The following TBK1 variants were observed in gnomAD, a reference collection of about 807,000 sequenced individuals.
The protein encoded by TBK1 is TANK binding kinase 1.
A neutral mutation model predicts 99.9 loss-of-function variants in TBK1; 37 were observed. The ratio of observed to expected loss-of-function variants is 0.37; its 90% confidence interval spans 0.28 to 0.49. The LOEUF (loss-of-function observed/expected upper bound fraction) is 0.49, where lower values mean the gene tolerates loss of function less well. Ranked by LOEUF, TBK1 falls within the 20% of genes least tolerant of loss-of-function variation. The pLI is 0.98. For synonymous variants in TBK1, 258 were observed against 279.8 expected (o/e 0.92, Z 0.78); for missense variants, 644 against 872.5 (o/e 0.74, Z 3.30).
intron 5 of TBK1, among the ~76,000 whole-genome samples, chr12:64,469,377 T>G (rs1209733475): frequency 6.6e-6 from 1 of 151,996 alleles, no homozygotes; most frequent in African/African-American, 2.4e-5. Context: ...CCCTTCCTGC[T>G]CCTTTCTCCG....
In TBK1 at chr12:64,497,767, T is replaced by C; in HGVS notation, c.2066+13T>C. The C allele has an allele frequency of 5.1e-6, 8 of 1,565,598 alleles. No homozygotes were observed. Among genetic ancestry groups the C allele is most frequent in the Non-Finnish European group, 7.0e-6 (8 of 1,150,654 alleles). ...AAATGACTCTTGGGTAAGAAACTCA[T>C]CATTTGGAAACTGTAGTGTTTCCAT... On this transcript the variant is annotated intron_variant, in intron 19 of 20. Coordinates refer to ENST00000331710, the MANE Select transcript of TBK1 (RefSeq NM_013254.4).
At chr12:64,456,393 C>G (rs963746569) in intron 2 of TBK1, among the ~76,000 whole-genome samples, 2 of 152,020 alleles carry the variant, frequency 1.3e-5, no homozygotes, top group African/African-American at 4.8e-5. Flanking sequence ...GTAAGTGCCC[C>G]TACTAAAACA....
At chr12:64,491,071 T>C (rs1372846319) in intron 13 of TBK1, among the ~76,000 whole-genome samples, 1 of 152,006 alleles carries the variant, frequency 6.6e-6, no homozygotes, top group East Asian at 1.9e-4. Flanking sequence ...TGCTGAAAAA[T>C]ACAATAGAAC....
chr12:64,465,641 A>T (rs1366640278), intron 4 of TBK1, among the ~76,000 whole-genome samples: 1 of 152,218 alleles, frequency 6.6e-6, no homozygotes, highest in Admixed American at 6.5e-5. Flanking sequence ...ACATGGATGA[A>T]CTTGAAAACA....
At chr12:64,490,154 C>T in intron 13 of TBK1, 35 bp downstream of exon 13, 1 of 1,453,358 alleles carries the variant, frequency 6.9e-7, no homozygotes, top group Non-Finnish European at 9.6e-7. Context: ...TTTGTAAGCT[C>T]ATAACCTATT....
intron 20 of TBK1, among the ~76,000 whole-genome samples, chr12:64,498,759 C>G (rs1268353721): frequency 6.6e-6 from 1 of 152,162 alleles, no homozygotes; most frequent in African/African-American, 2.4e-5. Flanking sequence ...AGTTCAAGAC[C>G]AGCCTAGGCA....
chr12:64,470,586 T>C (rs1449693567), intron 5 of TBK1, among the ~76,000 whole-genome samples: 3 of 152,214 alleles, frequency 2.0e-5, no homozygotes, highest in Admixed American at 1.3e-4. Flanking sequence ...TGTACAAAAA[T>C]ACTTTGTTAT....
chr12:64,475,754 C>T (rs1226930504), intron 6 of TBK1, among the ~76,000 whole-genome samples: 2 of 152,096 alleles, frequency 1.3e-5, no homozygotes, highest in African/African-American at 4.8e-5. Context: ...TTTTTGTTAT[C>T]CAGTCTGCCA....
At chr12:64,468,492 GA>G (rs61344644) in intron 5 of TBK1, among the ~76,000 whole-genome samples, 217 of 118,410 alleles carry the variant, frequency 1.8e-3, no homozygotes, top group Admixed American at 1.9e-3. Flanking sequence ...CTCCGTCTCA[GA>G]AAAAAAAAAA....
intron 6 of TBK1, among the ~76,000 whole-genome samples, chr12:64,475,858 A>AT (rs2040706406): frequency 6.6e-6 from 1 of 151,902 alleles, no homozygotes; most frequent in Non-Finnish European, 1.5e-5. Context: ...AGGATGATTT[A>AT]TTTTTCTTTG....
At chr12:64,500,270 C>G (rs895904985) in intron 20 of TBK1, among the ~76,000 whole-genome samples, 2 of 152,076 alleles carry the variant, frequency 1.3e-5, no homozygotes, top group African/African-American at 4.8e-5. Context: ...CTAAAATCAT[C>G]TGTCCCAACT....
intron 13 of TBK1, among the ~76,000 whole-genome samples, chr12:64,491,948 A>G (rs1054482091): frequency 2.0e-5 from 3 of 152,222 alleles, no homozygotes; most frequent in Non-Finnish European, 4.4e-5. Context: ...TGATTCAGGT[A>G]TATACACACT....
intron 19 of TBK1, 60 bp from the exon 20 acceptor site, chr12:64,497,908 A>C: frequency 1.3e-6 from 2 of 1,506,716 alleles, no homozygotes; most frequent in Non-Finnish European, 1.8e-6. Flanking sequence ...TAAAACATAA[A>C]CATCATTCTA....
chr12:64,490,083 A>G lies in TBK1; in HGVS notation c.1485A>G (p.Leu495=), dbSNP rs771930992. 87 of 1,611,710 alleles carry G rather than the reference A, an allele frequency of 5.4e-5. 1 individual carries two copies. The South Asian group carries it at 6.5e-4, about 12-fold the overall frequency. The change falls in exon 13 of 21, where the codon TTA becomes TTG. Residue 495 remains leucine (L), a synonymous_variant. Coordinates refer to ENST00000331710, the MANE Select transcript of TBK1 (RefSeq NM_013254.4). ...AGATCAACCTGGAAGCGGCAGAGTTAGGTGAAATTTCAGACATACACACCA... is the reference window on the plus strand; with the variant it reads ...AGATCAACCTGGAAGCGGCAGAGTTGGGTGAAATTTCAGACATACACACCA... ...LMKINLEAAE[L]GEISDIHTKL... is the part of the protein sequence containing the mutation.
At chr12:64,485,413 CAA>C (rs1351807766) in intron 9 of TBK1, 40 bp from the exon 10 acceptor site, 1 of 1,088,070 alleles carries the variant, frequency 9.2e-7, no homozygotes, top group Non-Finnish European at 1.3e-6. Context: ...GTGATTTTTT[CAA>C]AAAGTTTTCT....
At chr12:64,501,216 C>A in intron 20 of TBK1, 114 bp from the exon 21 acceptor site, 1 of 973,102 alleles carries the variant, frequency 1.0e-6, no homozygotes, top group Non-Finnish European at 1.6e-6. Context: ...GTTACTTAAA[C>A]TCTTTAAAAA....
intron 2 of TBK1, among the ~76,000 whole-genome samples, chr12:64,459,678 C>G (rs769523166): frequency 4.6e-5 from 7 of 152,154 alleles, no homozygotes; most frequent in East Asian, 1.9e-4. Flanking sequence ...TCCCCTCCCC[C>G]ACGTTGTCCT....
chr12:64,455,658 C>A (rs776995897), intron 1 of TBK1, among the ~76,000 whole-genome samples, 182 bp from the exon 2 acceptor site: 3 of 152,202 alleles, frequency 2.0e-5, no homozygotes, highest in Non-Finnish European at 2.9e-5. Flanking sequence ...CATACCATAT[C>A]AGTTAGCAAC....
intron 7 of TBK1, among the ~76,000 whole-genome samples, chr12:64,481,449 G>A (rs776131103): frequency 2.9e-4 from 44 of 152,102 alleles, no homozygotes; most frequent in Middle Eastern, 3.2e-3. Flanking sequence ...AATCAGCCGT[G>A]AAAACAACTA....
Sources: gnomAD v4.1 joint callset for allele counts (sites outside exome capture counted in the v4.1 genomes callset) on GRCh38, gnomAD v4.1.1 for gene constraint, MANE v1.5 for transcripts, NCBI Gene and HGNC (gene_info 2026-07-23, HGNC 2026-07-21) for gene names.